The following ZNF705A variants were observed in gnomAD, a reference collection of about 807,000 sequenced individuals.
ZNF705A encodes the protein zinc finger protein 705A.
ZNF705A carries 8 observed loss-of-function variants against 16.6 expected under a neutral mutation model. The ratio of observed to expected loss-of-function variants is 0.48; its 90% CI spans 0.28 to 0.87. The LOEUF (loss-of-function observed/expected upper bound fraction) is 0.87. Among genes scored for constraint, ZNF705A ranks in the 40% least tolerant of loss-of-function variants. The probability of loss-of-function intolerance (pLI) is 0.10; values close to 1 mark genes in which losing one functional copy is unlikely to be tolerated. For synonymous variants in ZNF705A, 73 were observed against 117.3 expected (o/e 0.62, Z 2.44); for missense variants, 233 against 359.9 (o/e 0.65, Z 2.85).
intron 1 of ZNF705A, among the ~76,000 whole-genome samples, chr12:8,167,338 T>C (rs754782671): frequency 2.7e-4 from 41 of 152,266 alleles, no homozygotes; most frequent in African/African-American, 9.6e-4. Flanking sequence ...TGTGTGAGGG[T>C]TTTTAGTAGT....
chr12:8,171,350 C>T (rs999381902), upstream of ZNF705A, among the ~76,000 whole-genome samples: 41 of 152,304 alleles, frequency 2.7e-4, no homozygotes, highest in African/African-American at 9.6e-4. Flanking sequence ...GTCTCAAACA[C>T]ATACATTCAT....
intron 1 of ZNF705A, among the ~76,000 whole-genome samples, chr12:8,162,113 C>T (rs757381755): frequency 1.8e-4 from 27 of 152,292 alleles, no homozygotes; most frequent in Admixed American, 3.3e-4. Flanking sequence ...AGAAAAGAAC[C>T]TATGCCCCCA....
chr12:8,160,704 T>C (rs1948347524), intron 1 of ZNF705A, among the ~76,000 whole-genome samples: 2 of 152,136 alleles, frequency 1.3e-5, no homozygotes, highest in Admixed American at 6.6e-5. Flanking sequence ...CAAATTCTTC[T>C]ATCAGTTCTA....
rs36022408 is a variant in ZNF705A at position 8,165,278 on chromosome 12, ATTTT to A, written c.-71-7258_-71-7255del. On this transcript the variant is annotated intron_variant, in intron 1 of 5. Coordinates refer to the ZNF705A transcript ENST00000396570. ...GAAATGTCTACTCAGATCTTTGCCC[ATTTT>A]TTTTTTTTTTTTTTTTTTGAGATGG... 4.6e-3 allele frequency among the ~76,000 whole-genome samples: 433 copies of A among 94,460 alleles called. 2 individuals carry two copies. The highest frequency in any genetic ancestry group is 0.024 in the South Asian group (63 of 2,630). The allele number at this position is 94,460 out of a possible 152,430, so 62.0% of individuals were successfully genotyped here. A position where few individuals can be genotyped will look rare whatever the true frequency, so the allele number is the denominator to read the frequency against.
upstream of ZNF705A, among the ~76,000 whole-genome samples, chr12:8,170,281 G>A (rs1182127440): frequency 1.3e-5 from 2 of 150,962 alleles, no homozygotes; most frequent in East Asian, 1.9e-4. Context: ...TACATAAGTT[G>A]TTATTCCTGC....
Position 8,175,944 on chromosome 12 carries a change from T to C in ZNF705A, c.318+2T>C. The C allele has an allele frequency of 6.2e-7, 1 of 1,611,418 alleles. No homozygotes were observed. The highest frequency in any genetic ancestry group is 8.5e-7 in the Non-Finnish European group (1 of 1,179,438). On this transcript the variant is annotated splice_donor_variant, in intron 4 of 4. Coordinates refer to ENST00000359286, the Ensembl canonical transcript of ZNF705A. LOFTEE classifies it high-confidence loss of function. ...GACGCATCCACCAGTATGACAATGG[T>C]AAGTTTTATAGCTGTGTACACCAGT...
At chr12:8,158,239 A>G (rs149832372) in intron 1 of ZNF705A, among the ~76,000 whole-genome samples, 175 of 152,272 alleles carry the variant, frequency 1.1e-3, no homozygotes, top group African/African-American at 4.0e-3. Context: ...TTAAAATGCA[A>G]TCAAATTGAA....
chr12:8,170,467 GA>G (rs1373831361), upstream of ZNF705A, among the ~76,000 whole-genome samples: 2 of 152,120 alleles, frequency 1.3e-5, no homozygotes, highest in East Asian at 3.8e-4. Context: ...AGTCCTTTAT[GA>G]AATAAGTATG....
intron 3 of ZNF705A, among the ~76,000 whole-genome samples, chr12:8,175,637 T>TATCTCA (rs1948479062): frequency 6.6e-6 from 1 of 152,324 alleles, no homozygotes; most frequent in South Asian, 2.1e-4. Flanking sequence ...ACCTGCCTGA[T>TATCTCA]ATCTCATCTC....
At chr12:8,158,261 C>A (rs1345818905) in intron 1 of ZNF705A, among the ~76,000 whole-genome samples, 3 of 152,038 alleles carry the variant, frequency 2.0e-5, no homozygotes, top group Non-Finnish European at 2.9e-5. Flanking sequence ...ATTTTTATTA[C>A]CCGCAAAGTT....
In ZNF705A at chr12:8,172,715, G is replaced by T. The variant is rs1948454861; in HGVS notation, c.12+78G>T. 4.5e-6 allele frequency: 7 copies of T among 1,567,874 alleles called. No homozygotes were observed. The Admixed American group carries it at 6.8e-5, about 15-fold the overall frequency. On this transcript the variant is annotated intron_variant, in intron 1 of 4. Coordinates refer to ENST00000359286, the Ensembl canonical transcript of ZNF705A. Reference sequence around the variant, plus strand: ...TGGGCATTTTTCTCCAATTTGCATGGGTGTTTCATTTTTATTCTTTTCTGT... The same window carrying T: ...TGGGCATTTTTCTCCAATTTGCATGTGTGTTTCATTTTTATTCTTTTCTGT...
At chr12:8,176,559 G>A (rs1391094479) in intron 4 of ZNF705A, among the ~76,000 whole-genome samples, 1 of 152,174 alleles carries the variant, frequency 6.6e-6, no homozygotes, top group Non-Finnish European at 1.5e-5. Context: ...CAGGAAAGCT[G>A]CATTTTACAT....
chr12:8,174,975 T>C (rs1313350902), intron 2 of ZNF705A, among the ~76,000 whole-genome samples: 2 of 152,222 alleles, frequency 1.3e-5, no homozygotes, highest in African/African-American at 4.8e-5. Context: ...GTCTTGGAAC[T>C]TAGGCATGGA....
chr12:8,164,644 G>A (rs1196136705), intron 1 of ZNF705A, among the ~76,000 whole-genome samples: 3 of 152,136 alleles, frequency 2.0e-5, no homozygotes, highest in Non-Finnish European at 4.4e-5. Context: ...TTCCATTCAT[G>A]TTCCTCCAAA....
intron 1 of ZNF705A, among the ~76,000 whole-genome samples, chr12:8,157,402 C>T (rs1156462497): frequency 6.6e-6 from 1 of 152,078 alleles, no homozygotes. Flanking sequence ...AAAATAGAAA[C>T]CCTTTTTGGG....
At chr12:8,175,409 A>G in intron 3 of ZNF705A, 86 bp downstream of exon 4, 3 of 1,151,286 alleles carry the variant, frequency 2.6e-6, no homozygotes. Flanking sequence ...TGGTTTTATT[A>G]AATGAGTGAT....
chr12:8,161,961 T>A (rs1305492950), intron 1 of ZNF705A, among the ~76,000 whole-genome samples: 1 of 152,186 alleles, frequency 6.6e-6, no homozygotes, highest in African/African-American at 2.4e-5. Context: ...GTCGGAACTA[T>A]CCTAAGTCAG....
At chr12:8,172,402 C>T (rs762640017), upstream of ZNF705A, 602 of 649,538 alleles carry the variant, frequency 9.3e-4, 6 homozygotes, top group South Asian at 0.01. Context: ...ATTTTGACCA[C>T]GGGAAAAGAG....
At chr12:8,173,328 A>T (rs1948459823) in intron 1 of ZNF705A, among the ~76,000 whole-genome samples, 1 of 152,250 alleles carries the variant, frequency 6.6e-6, no homozygotes, top group African/African-American at 2.4e-5. Context: ...TATAAGAAAT[A>T]TAATTATTTA....
Sources: allele counts gnomAD v4.1 joint callset (sites outside exome capture counted in the v4.1 genomes callset), GRCh38; gene constraint gnomAD v4.1.1; transcripts MANE v1.5; gene names NCBI Gene and HGNC (gene_info 2026-07-23, HGNC 2026-07-21).